Variants in WWOX observed in about 807,000 individuals in gnomAD.
WWOX encodes WW domain containing oxidoreductase.
Under a neutral mutation model 46.2 loss-of-function variants are expected in WWOX, and 69 were observed. The observed-to-expected ratio is 1.49, with a 90% CI of 1.23 to 1.82. The LOEUF is 1.82. WWOX is among the 40% of genes most tolerant of loss of function. The pLI, the probability that WWOX is intolerant of heterozygous loss-of-function variation, is 0.00. For synonymous variants in WWOX, 359 were observed against 202.6 expected (o/e 1.77, Z -6.56); for missense variants, 919 against 542.6 (o/e 1.69, Z -6.89).
intron 5 of WWOX, among the ~76,000 whole-genome samples, chr16:78,188,266 G>C (rs545117907): frequency 1.3e-5 from 2 of 152,248 alleles, no homozygotes; most frequent in East Asian, 3.9e-4. Flanking sequence ...GAGGCGGGCA[G>C]ATCACGAGGT....
intron 8 of WWOX, among the ~76,000 whole-genome samples, chr16:79,171,210 G>A (rs558384207): frequency 3.3e-5 from 5 of 152,126 alleles, no homozygotes; most frequent in Admixed American, 6.5e-5. Flanking sequence ...AGGGACACCC[G>A]GGGAAAATGT....
At chr16:79,132,159 CA>C (rs1567571769) in intron 8 of WWOX, among the ~76,000 whole-genome samples, 6 of 140,408 alleles carry the variant, frequency 4.3e-5, no homozygotes, top group South Asian at 2.4e-4. Flanking sequence ...CACACACACA[CA>C]CACACACCCC....
chr16:78,563,287 C>A (rs2044482363), intron 8 of WWOX, among the ~76,000 whole-genome samples: 1 of 152,032 alleles, frequency 6.6e-6, no homozygotes, highest in Non-Finnish European at 1.5e-5. Context: ...TAAGTGTTGC[C>A]CTTCTGCAAC....
At chr16:78,296,132 C>T (rs2079940485) in intron 5 of WWOX, among the ~76,000 whole-genome samples, 1 of 152,148 alleles carries the variant, frequency 6.6e-6, no homozygotes, top group Admixed American at 6.5e-5. Context: ...TTTATTGAAG[C>T]AATTTGTTGT....
At chr16:78,561,979 A>AAC (rs66744560) in intron 8 of WWOX, among the ~76,000 whole-genome samples, 74,562 of 151,942 alleles carry the variant, frequency 0.49, 20,072 homozygotes, top group African/African-American at 0.73. Context: ...GCACCAACCT[A>AAC]ACAATGGGTT....
At position 78,353,946 on chromosome 16, in the gene WWOX, C is replaced by G. The variant is rs115537039; in HGVS notation, c.517-32914C>G. ...TTTATTTCCTTAAGTGAACATCTGT[C>G]TAATTGTTCACCTCCATCGCTTTCG... On this transcript the variant is annotated intron_variant, in intron 5 of 8. Transcript: ENST00000566780. Among the ~76,000 whole-genome samples the G allele has an allele frequency of 3.5e-4, 54 of 152,332 alleles. No individual in the cohort carries two copies. The East Asian group carries it at 9.6e-3, about 27-fold the overall frequency.
At chr16:78,735,287 T>A (rs142557469) in intron 8 of WWOX, among the ~76,000 whole-genome samples, 1 of 151,866 alleles carries the variant, frequency 6.6e-6, no homozygotes, top group East Asian at 1.9e-4. Context: ...ACCTTGCCTA[T>A]AGCGGATCTT....
intron 8 of WWOX, among the ~76,000 whole-genome samples, chr16:78,867,227 G>A (rs1408154698): frequency 6.6e-6 from 1 of 152,178 alleles, no homozygotes; most frequent in Non-Finnish European, 1.5e-5. Context: ...AGTGCAAGAA[G>A]TTTAGGTGCA....
intron 5 of WWOX, among the ~76,000 whole-genome samples, chr16:78,380,513 C>T (rs2151928984): frequency 6.6e-6 from 1 of 152,232 alleles, no homozygotes; most frequent in Non-Finnish European, 1.5e-5. Context: ...TCAGCCGTAT[C>T]AGTGAAGAGT....
intron 8 of WWOX, chr16:78,826,015 C>G (rs1276255416): frequency 9.1e-6 from 5 of 551,156 alleles, no homozygotes; most frequent in Non-Finnish European, 3.2e-6. Flanking sequence ...AACGGGCTGT[C>G]CTTGGCAGTT....
chr16:78,522,846 T>C (rs1439996817), intron 8 of WWOX, among the ~76,000 whole-genome samples: 2 of 152,080 alleles, frequency 1.3e-5, no homozygotes, highest in Non-Finnish European at 2.9e-5. Context: ...CCAAGGCAGG[T>C]GGATCACTCG....
intron 8 of WWOX, among the ~76,000 whole-genome samples, chr16:78,725,508 C>T (rs533196972): frequency 1.1e-4 from 17 of 151,188 alleles, no homozygotes; most frequent in South Asian, 8.4e-4. Flanking sequence ...CCACCATGCA[C>T]GGCTAATTTT....
intron 8 of WWOX, among the ~76,000 whole-genome samples, chr16:78,798,096 A>G (rs780081476): frequency 6.6e-6 from 1 of 152,162 alleles, no homozygotes; most frequent in Non-Finnish European, 1.5e-5. Flanking sequence ...GTTCAGAGAG[A>G]TGGGGTAGCT....
chr16:78,394,838 C>A (rs1444759231), intron 6 of WWOX, among the ~76,000 whole-genome samples: 1 of 152,198 alleles, frequency 6.6e-6, no homozygotes, highest in African/African-American at 2.4e-5. Context: ...ACCTGTATGC[C>A]CTGGAGTAGT....
intron 8 of WWOX, among the ~76,000 whole-genome samples, chr16:78,576,550 C>CT (rs2044885078): frequency 6.6e-6 from 1 of 152,186 alleles, no homozygotes. Context: ...AAAAATGCTG[C>CT]TTTGAGGCCT....
intron 8 of WWOX, among the ~76,000 whole-genome samples, chr16:78,957,829 C>T (rs920628189): frequency 2.6e-5 from 4 of 152,224 alleles, no homozygotes; most frequent in Non-Finnish European, 5.9e-5. Context: ...GCTGGTGCGG[C>T]TGGCCCACTT....
intron 5 of WWOX, among the ~76,000 whole-genome samples, chr16:78,270,842 C>A (rs987767136): frequency 4.6e-5 from 7 of 152,086 alleles, no homozygotes; most frequent in African/African-American, 1.7e-4. Flanking sequence ...AACAAAAAAT[C>A]CAAAGAAGGC....
At position 78,991,600 on chromosome 16, in the gene WWOX, C is replaced by CAAAAAAAAAAA. The variant is rs57514915; in HGVS notation, c.1057-220003_1057-219993dup. Among the ~76,000 whole-genome samples the CAAAAAAAAAAA allele has an allele frequency of 1.4e-4, 11 of 78,122 alleles. 1 individual carries two copies. In the East Asian group the frequency reaches 1.4e-3, roughly 10 times the overall value. 51.3% of individuals were successfully genotyped at this position (78,122 alleles called of 152,430 possible). A position where few individuals can be genotyped will look rare whatever the true frequency, so the allele number is the denominator to read the frequency against. On this transcript the variant is annotated intron_variant, in intron 8 of 8. Transcript: ENST00000566780. Reference sequence around the variant, plus strand: ...TGGGAGACACAGCAAGACCTTGTCTCAAAAAAAAAAAAAAAGCCAGATTCT... The same window carrying CAAAAAAAAAAA: ...TGGGAGACACAGCAAGACCTTGTCTCAAAAAAAAAAAAAAAAAAAAAAAAAAGCCAGATTCT...
chr16:78,893,677 G>A (rs993210294), intron 8 of WWOX, among the ~76,000 whole-genome samples: 8 of 152,098 alleles, frequency 5.3e-5, no homozygotes, highest in African/African-American at 1.9e-4. Context: ...GAGGTTCCCT[G>A]GTATTTTCCA....
Sources: gnomAD v4.1 joint callset for allele counts (sites outside exome capture counted in the v4.1 genomes callset) on GRCh38, gnomAD v4.1.1 for gene constraint, MANE v1.5 for transcripts, NCBI Gene and HGNC (gene_info 2026-07-23, HGNC 2026-07-21) for gene names.